The following STAB2 variants were observed in gnomAD, a reference collection of about 807,000 sequenced individuals.
STAB2 encodes the protein stabilin-2.
In STAB2, 288 loss-of-function variants were observed where a neutral mutation model predicts 338.1. The observed-to-expected ratio is 0.85, with a 90% CI of 0.77 to 0.94. The LOEUF is 0.94. STAB2 is among the 40% of genes least tolerant of loss of function. STAB2 has a pLI of 0.00. For synonymous variants in STAB2, 1,202 were observed against 1,193.3 expected (o/e 1.01, Z -0.15); for missense variants, 3,141 against 3,210.1 (o/e 0.98, Z 0.52).
At chr12:103,723,115 AG>A (rs1299227266) in intron 44 of STAB2, among the ~76,000 whole-genome samples, 3 of 152,190 alleles carry the variant, frequency 2.0e-5, no homozygotes, top group Non-Finnish European at 4.4e-5. Context: ...ATGAGGCACA[AG>A]TGGGGCTCAT....
At chr12:103,728,651 G>A (rs1260229730) in intron 47 of STAB2, among the ~76,000 whole-genome samples, 198 bp from the exon 48 acceptor site, 1 of 152,180 alleles carries the variant, frequency 6.6e-6, no homozygotes, top group African/African-American at 2.4e-5. Context: ...CACAATGGAG[G>A]CAAGAAAGGA....
In STAB2 at chr12:103,660,735, A is replaced by G. The variant is rs562986267; in HGVS notation, c.1841A>G (p.Gln614Arg). The change falls in exon 17 of 69, where the codon CAG (glutamine) becomes CGG (arginine). Residue 614 changes from glutamine to arginine, a missense_variant. By Grantham distance (43) the Gln-to-Arg change is conservative. Transcript: ENST00000388887. ...CCTCACATCAGGAGCATGGCCAACCAGCTCATACAGTTCAACACCACCGAC... is the reference window on the plus strand; with the variant it reads ...CCTCACATCAGGAGCATGGCCAACCGGCTCATACAGTTCAACACCACCGAC... ...STPHIRSMAN[Q>R]LIQFNTTDNG... 6.2e-7 allele frequency: 1 copy of G among 1,614,120 alleles called. No individual in the cohort carries two copies. The highest frequency in any genetic ancestry group is 8.5e-7 in the Non-Finnish European group (1 of 1,180,002).
Position 103,742,511 on chromosome 12 carries a change from G to A in STAB2, c.5988G>A (p.Ala1996=), listed in dbSNP as rs35102665. 48,153 of 1,614,100 alleles carry A rather than the reference G, an allele frequency of 0.03. 896 individuals carry two copies. The highest frequency in any genetic ancestry group is 0.035 in the Non-Finnish European group (41,731 of 1,179,998). The change falls in exon 56 of 69, where the codon GCG becomes GCA. Residue 1996 remains alanine (A), a synonymous_variant. Coordinates refer to ENST00000388887, the MANE Select transcript of STAB2 (RefSeq NM_017564.10). ...GCAACACCGGCTTCAATGGGACGGCGTGTGAGATGTGCTGGCCGGGGAGAT... is the reference window on the plus strand; with the variant it reads ...GCAACACCGGCTTCAATGGGACGGCATGTGAGATGTGCTGGCCGGGGAGAT... ...CKCNTGFNGT[A]CEMCWPGRFG...
At chr12:103,704,895 C>A (rs572427901) in intron 36 of STAB2, 16 of 252,052 alleles carry the variant, frequency 6.3e-5, no homozygotes, top group Non-Finnish European at 1.1e-4. Flanking sequence ...CAGTTGAGGA[C>A]CGCAGCAAGA....
intron 3 of STAB2, among the ~76,000 whole-genome samples, chr12:103,595,000 T>C (rs2138541210): frequency 6.6e-6 from 1 of 150,870 alleles, no homozygotes; most frequent in East Asian, 1.9e-4. Context: ...GTAAAGTTAA[T>C]TGTGTAGAGA....
intron 9 of STAB2, among the ~76,000 whole-genome samples, chr12:103,645,862 A>G (rs1342567463): frequency 7.1e-6 from 1 of 141,404 alleles, no homozygotes; most frequent in African/African-American, 2.6e-5. Context: ...GTCTCTAGAC[A>G]TTGCCAAATG....
intron 43 of STAB2, among the ~76,000 whole-genome samples, chr12:103,716,976 A>G (rs1880367458): frequency 6.6e-6 from 1 of 152,218 alleles, no homozygotes; most frequent in Admixed American, 6.5e-5. Context: ...GAGAAACGGG[A>G]AAACCTGCCC....
intron 36 of STAB2, 131 bp downstream of exon 36, chr12:103,704,745 T>A (rs142878720): frequency 1.3e-6 from 1 of 773,030 alleles, no homozygotes; most frequent in East Asian, 2.8e-5. Context: ...CTTTACCTCG[T>A]TATATTATAT....
chr12:103,654,491 C>T, intron 12 of STAB2, 64 bp from the exon 13 acceptor site: 18 of 1,523,762 alleles, frequency 1.2e-5, no homozygotes, highest in Middle Eastern at 1.8e-4. Flanking sequence ...TCTGACTCTA[C>T]TCCAGTGCTT....
chr12:103,646,867 G>T (rs543308994), intron 9 of STAB2, among the ~76,000 whole-genome samples: 1 of 152,304 alleles, frequency 6.6e-6, no homozygotes, highest in Non-Finnish European at 1.5e-5. Context: ...TGGTGGATAG[G>T]GTTGTGATAG....
intron 26 of STAB2, among the ~76,000 whole-genome samples, chr12:103,684,131 CCTCTGT>C (rs2138874161): frequency 6.6e-6 from 1 of 152,328 alleles, no homozygotes; most frequent in African/African-American, 2.4e-5. Flanking sequence ...TTTCTCTCTG[CCTCTGT>C]CTCATTCCCC....
At chr12:103,754,994 A>G in intron 61 of STAB2, 1 of 319,670 alleles carries the variant, frequency 3.1e-6, no homozygotes. Context: ...CTACCAACCC[A>G]TTAGCAGAAA....
At position 103,731,069 on chromosome 12, in the gene STAB2, A is replaced by T. The variant is rs188038726; in HGVS notation, c.5224-507A>T. Among the ~76,000 whole-genome samples the T allele has an allele frequency of 2.9e-3, 438 of 152,224 alleles. 2 individuals carry two copies. Among genetic ancestry groups the T allele is most frequent in the African/African-American group, 0.01 (428 of 41,528 alleles). Reference sequence around the variant, plus strand: ...ACCAGAGTGAGATCCTGTCTAAAAAAGTTTTTTTTAATTAAACACACACAC... The same window carrying T: ...ACCAGAGTGAGATCCTGTCTAAAAATGTTTTTTTTAATTAAACACACACAC... On this transcript the variant is annotated intron_variant, in intron 49 of 68. Coordinates refer to ENST00000388887, the MANE Select transcript of STAB2 (RefSeq NM_017564.10).
At chr12:103,633,088 A>C (rs1035835598) in intron 6 of STAB2, among the ~76,000 whole-genome samples, 3 of 152,170 alleles carry the variant, frequency 2.0e-5, no homozygotes, top group East Asian at 1.9e-4. Flanking sequence ...TCCAAATGCA[A>C]AGGCAAGTGG....
At chr12:103,605,140 T>C (rs1957008494) in intron 3 of STAB2, among the ~76,000 whole-genome samples, 1 of 151,964 alleles carries the variant, frequency 6.6e-6, no homozygotes, top group Admixed American at 6.6e-5. Context: ...CCAAATAGAA[T>C]AATTTTTCAC....
At chr12:103,668,338 G>A (rs1052661832) in intron 19 of STAB2, among the ~76,000 whole-genome samples, 35 of 152,312 alleles carry the variant, frequency 2.3e-4, no homozygotes, top group East Asian at 1.9e-3. Context: ...AGACTAGACC[G>A]TATCCAGAAT....
At chr12:103,705,577 G>T in intron 36 of STAB2, 55 bp from the exon 37 acceptor site, 2 of 1,524,052 alleles carry the variant, frequency 1.3e-6, no homozygotes, top group South Asian at 2.3e-5. Flanking sequence ...TGCTTTCGGA[G>T]ACTGGAAAAC....
rs569071884 is a variant in STAB2, at chr12:103,733,040, T to A, written c.5318T>A (p.Ile1773Asn). The A allele has an allele frequency of 6.2e-7, 1 of 1,613,956 alleles. No individual in the cohort carries two copies. The highest frequency in any genetic ancestry group is 1.1e-5 in the South Asian group (1 of 91,066). Residue 1773 changes from isoleucine (I) to asparagine (N), a missense_variant, in exon 51 of 69, where the codon ATC becomes AAC. Ile to Asn is a moderately radical substitution (Grantham distance 149). Coordinates refer to ENST00000388887, the MANE Select transcript of STAB2 (RefSeq NM_017564.10). ...SGLLSVITDP[I>N]HTPVTLFWPT... ...TTGCTGAGTGTCATCACCGATCCCA[T>A]CCACACCCCAGTCACTCTCTTCTGG...
chr12:103,683,197 A>T lies in STAB2; in HGVS notation c.2806-8A>T, dbSNP rs373519737. Reference sequence around the variant, plus strand: ...ATAATCCACTTGACTCTGTTCTTAAAATTATAGAATGAGTGTGAGTGCAAG... The same window carrying T: ...ATAATCCACTTGACTCTGTTCTTAATATTATAGAATGAGTGTGAGTGCAAG... On this transcript the variant is annotated splice_polypyrimidine_tract_variant and splice_region_variant and intron_variant, in intron 25 of 68. Transcript: ENST00000388887. The T allele has an allele frequency of 1.1e-5, 17 of 1,610,978 alleles. No individual in the cohort carries two copies. Among genetic ancestry groups the T allele is most frequent in the Admixed American group, 6.7e-5 (4 of 59,540 alleles).
Sources: gnomAD v4.1 joint callset for allele counts (sites outside exome capture counted in the v4.1 genomes callset) on GRCh38, gnomAD v4.1.1 for gene constraint, MANE v1.5 for transcripts, NCBI Gene and HGNC (gene_info 2026-07-23, HGNC 2026-07-21) for gene names.